SKI: variants seen among roughly 807,000 people sequenced by gnomAD.
The protein encoded by SKI is ski oncogene.
Under a neutral mutation model 59.3 loss-of-function variants are expected in SKI, and 23 were observed. The observed-to-expected ratio is 0.39, with a 90% CI of 0.28 to 0.55. The LOEUF is 0.55. Ranked by LOEUF, SKI falls within the 20% of genes least tolerant of loss-of-function variation. The pLI is 0.67. For missense variants in SKI, 1,017 were observed against 1,038.9 expected, an observed-to-expected ratio of 0.98 and a Z score of 0.29; for synonymous variants, 673 against 488.6, an observed-to-expected ratio of 1.38 and a Z score of -4.98.
chr1:2,288,942 C>T (rs1478569085), intron 1 of SKI, among the ~76,000 whole-genome samples: 7 of 152,232 alleles, frequency 4.6e-5, no homozygotes, highest in South Asian at 4.1e-4. Flanking sequence ...GACAGGTCCC[C>T]TCCAGGTGAC....
chr1:2,229,092 C>G lies in SKI; in HGVS notation c.326C>G (p.Thr109Ser). 6.2e-7 allele frequency: 1 copy of G among 1,609,510 alleles called. No homozygotes were observed. The highest frequency in any genetic ancestry group is 8.5e-7 in the Non-Finnish European group (1 of 1,179,860). The change falls in exon 1 of 7, where the codon ACC (threonine) becomes AGC (serine). Residue 109 changes from threonine (T) to serine (S), a missense_variant. Transcript: ENST00000378536. The surrounding 1 kb of genome is among the most constrained non-coding windows in gnomAD (Gnocchi z 6.3). ...TGCGAGACCGTACTGGAAGGCGAGACCATCTCGTGCTTCGTGGTGGGAGGC... is the reference window on the plus strand; with the variant it reads ...TGCGAGACCGTACTGGAAGGCGAGAGCATCTCGTGCTTCGTGGTGGGAGGC... ...ERCETVLEGETISCFVVGGEK... is the reference protein window; with the variant it reads ...ERCETVLEGESISCFVVGGEK...
At chr1:2,290,875 C>G (rs1270317781) in intron 1 of SKI, among the ~76,000 whole-genome samples, 1 of 152,228 alleles carries the variant, frequency 6.6e-6, no homozygotes, top group Non-Finnish European at 1.5e-5. Context: ...CCAAGAACCG[C>G]GACCGCAGCA....
intron 1 of SKI, among the ~76,000 whole-genome samples, chr1:2,245,116 C>G (rs2100814074): frequency 6.6e-6 from 1 of 152,168 alleles, no homozygotes; most frequent in African/African-American, 2.4e-5. Flanking sequence ...GCCCCCAACA[C>G]CCACCCGCCG....
intron 1 of SKI, among the ~76,000 whole-genome samples, chr1:2,290,680 A>C (rs935887041): frequency 2.6e-5 from 4 of 152,062 alleles, no homozygotes; most frequent in African/African-American, 9.7e-5. Flanking sequence ...GAGGAGGAGG[A>C]AGAGGGCACC....
intron 1 of SKI, among the ~76,000 whole-genome samples, chr1:2,232,951 G>C (rs894917901): frequency 6.6e-6 from 1 of 152,034 alleles, no homozygotes; most frequent in Non-Finnish European, 1.5e-5. Flanking sequence ...CGGTCGGCTC[G>C]CCTCCTTCCT....
chr1:2,304,210 T>A, intron 4 of SKI, 83 bp from the exon 5 acceptor site: 1 of 1,563,198 alleles, frequency 6.4e-7, no homozygotes, highest in Non-Finnish European at 8.7e-7. Flanking sequence ...GTTTCGCAGG[T>A]TCCTCCGGGA....
chr1:2,241,850 A>G (rs1048868737), intron 1 of SKI, among the ~76,000 whole-genome samples: 1 of 152,224 alleles, frequency 6.6e-6, no homozygotes, highest in African/African-American at 2.4e-5. Context: ...ACACCAGCCC[A>G]TGTTCAGGTC....
Position 2,228,970 on chromosome 1 carries a change from C to T in SKI, c.204C>T (p.Thr68=), listed in dbSNP as rs1176698750. ...TGCCGGCGCCGGTGCCCGCAGCCACCGAGCCGCCGCCCGTGCTGCACCTGC... is the reference window on the plus strand; with the variant it reads ...TGCCGGCGCCGGTGCCCGCAGCCACTGAGCCGCCGCCCGTGCTGCACCTGC... ...AAVPAPVPAA[T]EPPPVLHLPA... is the part of the protein sequence containing the mutation. The change falls in exon 1 of 7, where the codon ACC becomes ACT. Residue 68 remains threonine, a synonymous_variant. Transcript: ENST00000378536. 2.8e-6 allele frequency: 4 copies of T among 1,444,780 alleles called. No homozygotes were observed. Among genetic ancestry groups the T allele is most frequent in the African/African-American group, 1.5e-5 (1 of 67,488 alleles). 89.5% of individuals were successfully genotyped at this position (1,444,780 alleles called of 1,614,324 possible). A position where few individuals can be genotyped will look rare whatever the true frequency, so the allele number is the denominator to read the frequency against.
rs863223728 is a variant in SKI at position 2,306,706 on chromosome 1, T to C, written c.2128T>C (p.Trp710Arg). 3.2e-5 allele frequency: 50 copies of C among 1,540,530 alleles called. No homozygotes were observed. Among genetic ancestry groups the C allele is most frequent in the Non-Finnish European group, 4.0e-5 (46 of 1,143,960 alleles). The change falls in exon 7 of 7, where the codon TGG becomes CGG. Residue 710 changes from tryptophan (W) to arginine (R), a missense_variant. By Grantham distance (101) the Trp-to-Arg change is moderately radical (BLOSUM62 -3). Transcript: ENST00000378536. ...GGTGAAGGAGCTGCAGGAACAGCTG[T>C]GGCCGCGGGCCCGCCCCGAGGCTGC... Reference protein sequence around the residue: ...KVVKELQEQLWPRARPEAAGS... With the variant: ...KVVKELQEQLRPRARPEAAGS...
intron 1 of SKI, among the ~76,000 whole-genome samples, chr1:2,286,681 C>T (rs1159471122): frequency 6.6e-6 from 1 of 152,238 alleles, no homozygotes; most frequent in African/African-American, 2.4e-5. Flanking sequence ...ACCCATGTGG[C>T]CACGCAGCTC....
chr1:2,271,699 G>T (rs1212025514), intron 1 of SKI, among the ~76,000 whole-genome samples: 1 of 149,428 alleles, frequency 6.7e-6, no homozygotes, highest in Non-Finnish European at 1.5e-5. Flanking sequence ...CCAGGGCGGG[G>T]ATTGTGGCCC....
At chr1:2,255,010 TGGCACCACACCCCACGTGCTTGTTA>T (rs1639243472) in intron 1 of SKI, among the ~76,000 whole-genome samples, 1 of 152,180 alleles carries the variant, frequency 6.6e-6, no homozygotes, top group Non-Finnish European at 1.5e-5. Flanking sequence ...TGCTGTGGAC[TGGCACCACACCCCACGTGCTTGTTA>T]GGCCAGTTTC....
At chr1:2,253,267 A>G (rs1041334162) in intron 1 of SKI, among the ~76,000 whole-genome samples, 3 of 152,016 alleles carry the variant, frequency 2.0e-5, no homozygotes, top group African/African-American at 7.3e-5. Context: ...CCGGGCCGGT[A>G]TCACGGGCTC....
chr1:2,285,469 C>G (rs560204660), intron 1 of SKI, among the ~76,000 whole-genome samples: 3 of 150,554 alleles, frequency 2.0e-5, no homozygotes, highest in African/African-American at 7.3e-5. Context: ...GAGCTGAGAT[C>G]GTGCCACTGC....
At chr1:2,286,287 A>G (rs1640038773) in intron 1 of SKI, among the ~76,000 whole-genome samples, 1 of 152,000 alleles carries the variant, frequency 6.6e-6, no homozygotes, top group Non-Finnish European at 1.5e-5. Context: ...AGATCACTTG[A>G]GCCCAGGAGA....
Position 2,303,406 on chromosome 1 carries a change from T to TG in SKI, c.1211+9dup, listed in dbSNP as rs777549758. ...CCGGCCCTCATCCGAGACAGGTGAG[T>TG]GGGCGCCATTCACAGGTGTTTCTGA... On this transcript the variant is annotated splice_region_variant and intron_variant, in intron 3 of 6. Transcript: ENST00000378536. This position sits in a 1 kb window ranked among gnomAD's most constrained non-coding sequence, Gnocchi z 5.6. The TG allele has an allele frequency of 3.1e-6, 5 of 1,606,748 alleles. No individual in the cohort carries two copies. The East Asian group carries it at 1.1e-4, about 36-fold the overall frequency.
rs1217281988 is a variant in SKI, at chr1:2,287,714, G to C, written c.970-15264G>C. On this transcript the variant is annotated intron_variant, in intron 1 of 6. Transcript: ENST00000378536. ...ATGCGTCACCTTCCCTGTGTGGGGCGTGGGGGTGGTCTCCCCCTAGAAGGA... is the reference window on the plus strand; with the variant it reads ...ATGCGTCACCTTCCCTGTGTGGGGCCTGGGGGTGGTCTCCCCCTAGAAGGA... Among the ~76,000 whole-genome samples the C allele has an allele frequency of 2.0e-5, 3 of 152,308 alleles. No individual in the cohort carries two copies. The East Asian group carries it at 5.8e-4, about 29-fold the overall frequency.
chr1:2,285,658 G>A lies in SKI; in HGVS notation c.970-17320G>A, dbSNP rs187685859. On this transcript the variant is annotated intron_variant, in intron 1 of 6. Coordinates refer to ENST00000378536, the MANE Select transcript of SKI (RefSeq NM_003036.4). ...CAGCTCACTACAACCTCCGCCTCCC[G>A]GGTTCAGGCAGTTCTCTGCCTCAGC... 2.1e-3 allele frequency among the ~76,000 whole-genome samples: 312 copies of A among 147,028 alleles called. 2 individuals carry two copies. The highest frequency in any genetic ancestry group is 3.9e-3 in the Non-Finnish European group (263 of 66,874).
At chr1:2,234,134 G>A (rs1638701990) in intron 1 of SKI, among the ~76,000 whole-genome samples, 1 of 152,206 alleles carries the variant, frequency 6.6e-6, no homozygotes, top group African/African-American at 2.4e-5. Flanking sequence ...CCCCAGGTGA[G>A]GGTTCCGGAA....
Sources: allele counts gnomAD v4.1 joint callset (sites outside exome capture counted in the v4.1 genomes callset), GRCh38; gene constraint gnomAD v4.1.1; non-coding constraint Gnocchi (gnomAD v3.1); transcripts MANE v1.5; gene names NCBI Gene and HGNC (gene_info 2026-07-23, HGNC 2026-07-21).